Variants in SORL1 observed in about 807,000 individuals in gnomAD.
SORL1 encodes sortilin-related receptor.
In SORL1, 127 loss-of-function variants were observed where a neutral mutation model predicts 273.7. That is an observed-to-expected ratio of 0.46 (90% CI 0.40 to 0.54). The LOEUF is 0.54. SORL1 is among the 20% of genes least tolerant of loss of function. The probability of loss-of-function intolerance (pLI) is 0.00; values close to 1 mark genes in which losing one functional copy is unlikely to be tolerated. For synonymous variants in SORL1, 1,031 were observed against 1,067.4 expected (o/e 0.97, Z 0.66); for missense variants, 2,494 against 2,846.1 (o/e 0.88, Z 2.81).
At chr11:121,490,806 A>G (rs1415619211) in intron 5 of SORL1, among the ~76,000 whole-genome samples, 1 of 152,136 alleles carries the variant, frequency 6.6e-6, no homozygotes, top group Non-Finnish European at 1.5e-5. Context: ...TGTTAAATAT[A>G]AAACCTACTA....
intron 8 of SORL1, among the ~76,000 whole-genome samples, chr11:121,515,628 GT>G (rs1208528423): frequency 6.6e-6 from 1 of 152,062 alleles, no homozygotes; most frequent in Non-Finnish European, 1.5e-5. Flanking sequence ...GAAGAACTTT[GT>G]TTTTTTCTTT....
chr11:121,579,918 T>C (rs1862989338), intron 25 of SORL1, among the ~76,000 whole-genome samples: 1 of 152,228 alleles, frequency 6.6e-6, no homozygotes, highest in Non-Finnish European at 1.5e-5. Context: ...ATCCTCAATC[T>C]TGAATTCAAA....
chr11:121,482,484 C>G (rs1379699119), intron 3 of SORL1, among the ~76,000 whole-genome samples: 2 of 152,242 alleles, frequency 1.3e-5, no homozygotes, highest in South Asian at 4.1e-4. Context: ...GGGCAGCATT[C>G]TCTGTAGATA....
In SORL1 at chr11:121,452,550, C is replaced by T; in HGVS notation, c.219C>T (p.Asp73=). 6.7e-7 allele frequency: 1 copy of T among 1,503,318 alleles called. No individual in the cohort carries two copies. Among genetic ancestry groups the T allele is most frequent in the African/African-American group, 1.4e-5 (1 of 69,432 alleles). 93.1% of individuals were successfully genotyped at this position (1,503,318 alleles called of 1,614,324 possible). A position where few individuals can be genotyped will look rare whatever the true frequency, so the allele number is the denominator to read the frequency against. Residue 73 remains aspartate (D), a synonymous_variant, in exon 1 of 48, where the codon GAC becomes GAT. Coordinates refer to ENST00000260197, the MANE Select transcript of SORL1 (RefSeq NM_003105.6). This position sits in a 1 kb window ranked among gnomAD's most constrained non-coding sequence, Gnocchi z 5.3. ...RGDARGASRA[D]EKPLRRKRSA... Reference sequence around the variant, plus strand: ...ATGCCAGGGGGGCGAGCCGCGCGGACGAGAAGCCGCTCCGGAGGAAACGGA... The same window carrying T: ...ATGCCAGGGGGGCGAGCCGCGCGGATGAGAAGCCGCTCCGGAGGAAACGGA...
intron 3 of SORL1, 35 bp from the exon 4 acceptor site, chr11:121,487,997 G>A (rs2134810896): frequency 1.2e-6 from 2 of 1,610,264 alleles, no homozygotes; most frequent in East Asian, 4.5e-5. Context: ...GCTCTGGACA[G>A]GGCCTGCTCT....
At chr11:121,490,237 G>A in intron 5 of SORL1, 127 bp downstream of exon 5, 1 of 678,718 alleles carries the variant, frequency 1.5e-6, no homozygotes, top group Non-Finnish European at 2.6e-6. Flanking sequence ...CATTTTTCCA[G>A]ATCTGAGAAT....
chr11:121,519,951 T>A (rs1565322741), intron 8 of SORL1, among the ~76,000 whole-genome samples: 1 of 152,174 alleles, frequency 6.6e-6, no homozygotes, highest in Non-Finnish European at 1.5e-5. Flanking sequence ...ACAAATTTTT[T>A]AAAATAGCAG....
At chr11:121,481,882 T>C (rs1397575318) in intron 3 of SORL1, among the ~76,000 whole-genome samples, 640 of 76,582 alleles carry the variant, frequency 8.4e-3, no homozygotes, top group Middle Eastern at 0.025. Context: ...TAGGCAGGCT[T>C]CATCTCCTCC....
At chr11:121,535,129 C>T (rs996654855) in intron 12 of SORL1, among the ~76,000 whole-genome samples, 1 of 151,518 alleles carries the variant, frequency 6.6e-6, no homozygotes, top group Non-Finnish European at 1.5e-5. Flanking sequence ...TAGAGGAGAC[C>T]GAGCTAGTGT....
At chr11:121,611,399 A>C (rs1469111813) in intron 39 of SORL1, 2 of 380,542 alleles carry the variant, frequency 5.3e-6, no homozygotes, top group East Asian at 4.4e-5. Context: ...TTAACCATAT[A>C]ATTAAATGGT....
At chr11:121,565,154 G>A (rs1237940936) in intron 21 of SORL1, among the ~76,000 whole-genome samples, 1 of 152,186 alleles carries the variant, frequency 6.6e-6, no homozygotes, top group Non-Finnish European at 1.5e-5. Context: ...TGGTAATTAA[G>A]CTGTTATGAT....
In SORL1 at chr11:121,452,327, C is replaced by T; in HGVS notation, c.-5C>T. The T allele has an allele frequency of 6.5e-7, 1 of 1,531,934 alleles. No homozygotes were observed. Among genetic ancestry groups the T allele is most frequent in the East Asian group, 2.7e-5 (1 of 36,556 alleles). The allele number at this position is 1,531,934 out of a possible 1,614,324, so 94.9% of individuals were successfully genotyped here. A position where few individuals can be genotyped will look rare whatever the true frequency, so the allele number is the denominator to read the frequency against. ...GGCGCCACCTGCAGTAGCGTTCGCC[C>T]GAACATGGCGACACGGAGCAGCAGG... On this transcript the variant is annotated 5_prime_UTR_variant, in exon 1 of 48. Coordinates refer to ENST00000260197, the MANE Select transcript of SORL1 (RefSeq NM_003105.6). The surrounding 1 kb of genome is among the most constrained non-coding windows in gnomAD (Gnocchi z 5.3).
rs941794369 is a variant in SORL1, at chr11:121,467,795, A to T, written c.286-2212A>T. 2.6e-5 allele frequency among the ~76,000 whole-genome samples: 4 copies of T among 152,188 alleles called. No individual in the cohort carries two copies. The South Asian group carries it at 8.3e-4, about 32-fold the overall frequency. On this transcript the variant is annotated intron_variant, in intron 1 of 47. Transcript: ENST00000260197. ...CTCTTTGTAGCATTCTGGATTAAAT[A>T]ATTTATTTACTTCTATTTCTTATTT... is the stretch of plus-strand genomic sequence containing the variant.
intron 1 of SORL1, among the ~76,000 whole-genome samples, chr11:121,464,275 C>G (rs573317118): frequency 6.6e-6 from 1 of 152,170 alleles, no homozygotes; most frequent in East Asian, 1.9e-4. Flanking sequence ...TTCAGTGGCC[C>G]CACCTCCTGC....
intron 5 of SORL1, among the ~76,000 whole-genome samples, chr11:121,493,877 C>T (rs1591299247): frequency 6.6e-6 from 1 of 152,160 alleles, no homozygotes; most frequent in East Asian, 1.9e-4. Context: ...AGCCTTACAG[C>T]TGACCATCAT....
rs1862710884 is a variant in SORL1 at position 121,563,697 on chromosome 11, A to T, written c.3050-3243A>T. On this transcript the variant is annotated intron_variant, in intron 21 of 47. Coordinates refer to ENST00000260197, the MANE Select transcript of SORL1 (RefSeq NM_003105.6). The surrounding 1 kb of genome is among the most constrained non-coding windows in gnomAD (Gnocchi z 4.2). ...CAGGTGTGAGCCACTGTGTCTGGCCACTAGCTGGTTTTTAAATGGTATAAC... is the reference window on the plus strand; with the variant it reads ...CAGGTGTGAGCCACTGTGTCTGGCCTCTAGCTGGTTTTTAAATGGTATAAC... 6.6e-6 allele frequency among the ~76,000 whole-genome samples: 1 copy of T among 152,278 alleles called. No individual in the cohort carries two copies. The highest frequency in any genetic ancestry group is 1.5e-5 in the Non-Finnish European group (1 of 68,016).
At chr11:121,589,488 G>A in intron 29 of SORL1, 98 bp downstream of exon 29, 1 of 1,466,210 alleles carries the variant, frequency 6.8e-7, no homozygotes, top group Non-Finnish European at 9.5e-7. Flanking sequence ...CTGCAGACTT[G>A]GCCTTCCCGT....
At chr11:121,453,714 C>T (rs560287398) in intron 1 of SORL1, among the ~76,000 whole-genome samples, 2 of 152,292 alleles carry the variant, frequency 1.3e-5, no homozygotes, top group East Asian at 1.9e-4. Context: ...CAGGACGAAC[C>T]TTGTAAACAT....
chr11:121,554,065 C>G lies in SORL1; in HGVS notation c.2395C>G (p.His799Asp). ...AAVALDFDYE[H>D]NCLYWSDLAL... ...AGTGGCCCTGGACTTTGACTATGAGCACAACTGTTTGTATTGGTCCGACCT... is the reference window on the plus strand; with the variant it reads ...AGTGGCCCTGGACTTTGACTATGAGGACAACTGTTTGTATTGGTCCGACCT... The change falls in exon 17 of 48, where the codon CAC becomes GAC. Residue 799 changes from histidine to aspartate, a missense_variant. By Grantham distance (81) the His-to-Asp change is moderately conservative. This residue lies in a region of SORL1 where 710 missense variants were observed against 882.5 expected (regional missense o/e 0.80). Coordinates refer to ENST00000260197, the MANE Select transcript of SORL1 (RefSeq NM_003105.6). This position sits in a 1 kb window ranked among gnomAD's most constrained non-coding sequence, Gnocchi z 4.6. 1.9e-6 allele frequency: 3 copies of G among 1,614,172 alleles called. No homozygotes were observed. The highest frequency in any genetic ancestry group is 2.5e-6 in the Non-Finnish European group (3 of 1,180,028).
Sources: allele counts gnomAD v4.1 joint callset (sites outside exome capture counted in the v4.1 genomes callset), GRCh38; gene constraint gnomAD v4.1.1; regional missense constraint gnomAD v4.1.1; non-coding constraint Gnocchi (gnomAD v3.1); transcripts MANE v1.5; gene names NCBI Gene and HGNC (gene_info 2026-07-23, HGNC 2026-07-21).